Variants in MGAT4C observed in about 807,000 individuals in gnomAD.
The protein encoded by MGAT4C is alpha-1,3-mannosyl-glycoprotein 4-beta-N-acetylglucosaminyltransferase C.
MGAT4C carries 19 observed loss-of-function variants against 40.1 expected under a neutral mutation model. The ratio of observed to expected loss-of-function variants is 0.47; its 90% confidence interval spans 0.33 to 0.70. The LOEUF (loss-of-function observed/expected upper bound fraction) is 0.70, where lower values mean the gene tolerates loss of function less well. MGAT4C is among the 30% of genes least tolerant of loss of function. MGAT4C has a pLI of 0.02. For synonymous variants in MGAT4C, 181 were observed against 187.1 expected (o/e 0.97, Z 0.27); for missense variants, 491 against 563.2 (o/e 0.87, Z 1.30).
At chr12:86,776,024 A>G (rs1951742818) in intron 1 of MGAT4C, among the ~76,000 whole-genome samples, 1 of 152,068 alleles carries the variant, frequency 6.6e-6, no homozygotes. Context: ...TGCATATAAA[A>G]TCAATGACGT....
intron 2 of MGAT4C, among the ~76,000 whole-genome samples, chr12:86,560,790 CA>C (rs776473956): frequency 2.4e-4 from 37 of 152,078 alleles, no homozygotes; most frequent in Non-Finnish European, 4.4e-4. Context: ...AAGTACTATT[CA>C]GAGCAATTAG....
At chr12:86,059,923 G>A (rs1366765502) in intron 1 of MGAT4C, among the ~76,000 whole-genome samples, 3 of 152,114 alleles carry the variant, frequency 2.0e-5, no homozygotes, top group East Asian at 1.9e-4. Flanking sequence ...AATAAGAGAC[G>A]AAGATCTTAT....
At chr12:86,143,528 A>G (rs1188915554) in intron 1 of MGAT4C, among the ~76,000 whole-genome samples, 1 of 152,188 alleles carries the variant, frequency 6.6e-6, no homozygotes, top group Non-Finnish European at 1.5e-5. Flanking sequence ...CTCATTGGAA[A>G]TAAAGGAAAA....
intron 2 of MGAT4C, among the ~76,000 whole-genome samples, chr12:86,037,628 T>C (rs542058565): frequency 6.7e-6 from 1 of 149,994 alleles, no homozygotes; most frequent in South Asian, 2.1e-4. Flanking sequence ...CCTGAGTTCT[T>C]ATTTGATTGC....
Position 85,956,488 on chromosome 12 carries a change from T to C in MGAT4C, c.*22801A>G, listed in dbSNP as rs1414897971. ...AAAATTTATAGAACTGTTGGACCAA[T>C]TGAAAAACTTACTAAAATATGGTTT... On this transcript the variant is annotated 3_prime_UTR_variant, in exon 5 of 5. Coordinates refer to ENST00000611864, the MANE Select transcript of MGAT4C (RefSeq NM_001351288.2). 6.6e-6 allele frequency: 1 copy of C among 152,194 alleles called. No individual in the cohort carries two copies. The highest frequency in any genetic ancestry group is 2.4e-5 in the African/African-American group (1 of 41,450). 9.4% of individuals were successfully genotyped at this position (152,194 alleles called of 1,614,324 possible).
chr12:86,712,178 CTTATA>C (rs1385414544), intron 2 of MGAT4C, among the ~76,000 whole-genome samples: 1 of 151,900 alleles, frequency 6.6e-6, no homozygotes, highest in African/African-American at 2.4e-5. Context: ...AACTTATAAA[CTTATA>C]TTTAAAAGAT....
intron 2 of MGAT4C, among the ~76,000 whole-genome samples, chr12:86,022,827 G>A (rs1437233455): frequency 2.6e-5 from 4 of 152,102 alleles, no homozygotes; most frequent in African/African-American, 7.2e-5. Flanking sequence ...AAATGCACAG[G>A]TTATAATAGA....
intron 1 of MGAT4C, among the ~76,000 whole-genome samples, chr12:86,094,916 A>G (rs1245917807): frequency 1.3e-5 from 2 of 152,110 alleles, no homozygotes; most frequent in Non-Finnish European, 2.9e-5. Context: ...GAAAGAGACA[A>G]GAGTAGAGGC....
intron 1 of MGAT4C, among the ~76,000 whole-genome samples, chr12:86,783,422 G>A (rs1328214673): frequency 6.7e-6 from 1 of 149,984 alleles, no homozygotes; most frequent in African/African-American, 2.4e-5. Flanking sequence ...AGAACAGGAG[G>A]ACAGAAAAAT....
chr12:86,441,318 C>A (rs1392417812), intron 2 of MGAT4C, among the ~76,000 whole-genome samples: 1 of 149,800 alleles, frequency 6.7e-6, no homozygotes, highest in Non-Finnish European at 1.5e-5. Flanking sequence ...GCCAAATCAA[C>A]CAACTGATTT....
chr12:86,559,046 TTG>T (rs907253268), intron 2 of MGAT4C, among the ~76,000 whole-genome samples: 9 of 151,868 alleles, frequency 5.9e-5, no homozygotes, highest in African/African-American at 2.2e-4. Context: ...ATACCTATAT[TTG>T]TGTCAGACAG....
chr12:86,630,205 A>G (rs1962982845), intron 2 of MGAT4C, among the ~76,000 whole-genome samples: 1 of 152,206 alleles, frequency 6.6e-6, no homozygotes, highest in Non-Finnish European at 1.5e-5. Context: ...TAAACCAGGA[A>G]GAAGTTGACC....
intron 4 of MGAT4C, among the ~76,000 whole-genome samples, chr12:86,287,374 T>C (rs555219926): frequency 1.5e-4 from 8 of 52,918 alleles, no homozygotes; most frequent in Non-Finnish European, 2.6e-4. Flanking sequence ...TTTTTAATTA[T>C]ACTTTAAGTT....
chr12:86,782,171 ATTTTTTTTTTTTTT>A (rs57791582), intron 1 of MGAT4C, among the ~76,000 whole-genome samples: 17 of 40,294 alleles, frequency 4.2e-4, no homozygotes, highest in Admixed American at 1.4e-3. Flanking sequence ...TGTTTTTTGT[ATTTTTTTTTTTTTT>A]TTTTTTTTTT....
rs189846392 is a variant in MGAT4C at position 86,551,165 on chromosome 12, A to G, written c.-228-115900T>C. Among the ~76,000 whole-genome samples, 6 of 152,366 alleles carry G rather than the reference A, an allele frequency of 3.9e-5. No homozygotes were observed. The East Asian group carries it at 7.7e-4, about 20-fold the overall frequency. ...CCTTTGGTGAGCATGCCCCCAGGCC[A>G]GCCAAATAGCTATATGCCAATGTTA... On this transcript the variant is annotated intron_variant, in intron 2 of 7. Transcript: ENST00000548651.
At position 86,387,216 on chromosome 12, in the gene MGAT4C, A is replaced by C. The variant is rs181111394; in HGVS notation, c.-120+47941T>G. Among the ~76,000 whole-genome samples the C allele has an allele frequency of 4.6e-5, 7 of 152,174 alleles. No homozygotes were observed. The East Asian group carries it at 1.3e-3, about 29-fold the overall frequency. ...TGATCCTGAGCCCACAGCAATGAAA[A>C]TTTTACTGCATACTTACTTACTAGT... is the stretch of plus-strand genomic sequence containing the variant. On this transcript the variant is annotated intron_variant, in intron 3 of 7. Transcript: ENST00000548651.
At chr12:86,634,673 T>TCAGCTACAAAA (rs1963161569) in intron 2 of MGAT4C, among the ~76,000 whole-genome samples, 1 of 152,094 alleles carries the variant, frequency 6.6e-6, no homozygotes. Flanking sequence ...AAACATCCTA[T>TCAGCTACAAAA]AATTCCCTGC....
rs1406974535 is a variant in MGAT4C, at chr12:85,966,625, A to G, written c.*12664T>C. ...GTATGTTTATTGCGGCACTATTCAC[A>G]ATAGCAAAGACTTGGAACCAATCCA... On this transcript the variant is annotated 3_prime_UTR_variant, in exon 5 of 5. Transcript: ENST00000611864. The G allele has an allele frequency of 6.6e-6, 1 of 152,170 alleles. No homozygotes were observed. The highest frequency in any genetic ancestry group is 2.4e-5 in the African/African-American group (1 of 41,436). 9.4% of individuals were successfully genotyped at this position (152,170 alleles called of 1,614,324 possible).
chr12:86,504,806 C>T (rs1958441094), intron 2 of MGAT4C, among the ~76,000 whole-genome samples: 2 of 152,276 alleles, frequency 1.3e-5, no homozygotes, highest in Admixed American at 6.5e-5. Context: ...CCTGCCTCAG[C>T]CTCCTGAGTA....
Sources: allele counts gnomAD v4.1 joint callset (sites outside exome capture counted in the v4.1 genomes callset), GRCh38; gene constraint gnomAD v4.1.1; transcripts MANE v1.5; gene names NCBI Gene and HGNC (gene_info 2026-07-23, HGNC 2026-07-21).